ZFP64: variants seen among roughly 807,000 people sequenced by gnomAD.
The protein encoded by ZFP64 is zinc finger protein 64.
In ZFP64, 14 loss-of-function variants were observed where a neutral mutation model predicts 51.6. The ratio of observed to expected loss-of-function variants is 0.27; its 90% CI spans 0.18 to 0.42. The LOEUF (loss-of-function observed/expected upper bound fraction) is 0.42, where lower values mean the gene tolerates loss of function less well. Among genes scored for constraint, ZFP64 ranks in the 10% least tolerant of loss-of-function variants. The probability of loss-of-function intolerance (pLI) is 1.00; values close to 1 mark genes in which losing one functional copy is unlikely to be tolerated. For missense variants in ZFP64, 754 were observed against 906.8 expected (o/e 0.83, Z 2.16); for synonymous variants, 375 against 361.4 (o/e 1.04, Z -0.43).
chr20:52,160,289 G>A lies in ZFP64; in HGVS notation c.597C>T (p.Gly199=), dbSNP rs200805264. 7.6e-5 allele frequency: 123 copies of A among 1,614,064 alleles called. 1 individual carries two copies. The highest frequency in any genetic ancestry group is 1.0e-4 in the Non-Finnish European group (118 of 1,180,050). The change falls in exon 5 of 6, where the codon GGC becomes GGT. Residue 199 remains glycine, a synonymous_variant. Transcript: ENST00000216923. This position sits in a 1 kb window ranked among gnomAD's most constrained non-coding sequence, Gnocchi z 4.2. ...ACGTCTTACACTTGTAGGGCTTCAC[G>A]CCCGTGTGGCACCGCATGTGAGTTT... ...KLKTHMRCHT[G]VKPYKCKTCD...
chr20:52,110,765 C>A, intron 5 of ZFP64: 1 of 1,597,090 alleles, frequency 6.3e-7, no homozygotes, highest in Non-Finnish European at 8.6e-7. Flanking sequence ...AAGTCCCCCT[C>A]CCGGGAGAGG....
chr20:52,169,563 C>G (rs992885019), intron 2 of ZFP64, among the ~76,000 whole-genome samples: 1 of 152,300 alleles, frequency 6.6e-6, no homozygotes, highest in East Asian at 1.9e-4. Flanking sequence ...CCACTTTCTG[C>G]TCTCTCCAGA....
intron 5 of ZFP64, among the ~76,000 whole-genome samples, chr20:52,117,069 T>TCA (rs992706443): frequency 2.0e-5 from 3 of 148,148 alleles, no homozygotes; most frequent in Admixed American, 2.0e-4. Flanking sequence ...AGACTCTGTC[T>TCA]CACACACACA....
intron 4 of ZFP64, among the ~76,000 whole-genome samples, 192 bp downstream of exon 4, chr20:52,164,503 T>A (rs979999644): frequency 1.3e-5 from 2 of 152,164 alleles, no homozygotes; most frequent in African/African-American, 4.8e-5. Context: ...CAGAGCTGGA[T>A]TTTATTATGT....
At chr20:52,111,043 C>T in intron 5 of ZFP64, 4 of 1,391,304 alleles carry the variant, frequency 2.9e-6, no homozygotes, top group East Asian at 4.7e-5. Context: ...CAGGCCGCTG[C>T]TGCCATGCGG....
At chr20:52,158,759 C>T (rs913564417) in intron 5 of ZFP64, among the ~76,000 whole-genome samples, 9 of 152,146 alleles carry the variant, frequency 5.9e-5, no homozygotes, top group South Asian at 2.1e-4. Context: ...CCTGCATCCC[C>T]GACCTTTGCC....
intron 7 of ZFP64, among the ~76,000 whole-genome samples, chr20:52,089,740 C>CAA (rs35524410): frequency 2.9e-3 from 386 of 131,382 alleles, no homozygotes; most frequent in Middle Eastern, 0.012. Flanking sequence ...GACACTGTCT[C>CAA]AAAAAAAAAA....
chr20:52,097,269 C>T (rs1464931723), intron 7 of ZFP64: 9 of 1,338,416 alleles, frequency 6.7e-6, no homozygotes, highest in Non-Finnish European at 9.6e-6. Flanking sequence ...TTTCATGAGG[C>T]AGATGAGGCA....
intron 5 of ZFP64, among the ~76,000 whole-genome samples, chr20:52,122,091 A>G (rs1273637779): frequency 6.6e-6 from 1 of 152,194 alleles, no homozygotes; most frequent in Non-Finnish European, 1.5e-5. Flanking sequence ...GCTCATTGAC[A>G]ATGCACCTAG....
At chr20:52,100,123 G>A (rs1036850368) in intron 5 of ZFP64, among the ~76,000 whole-genome samples, 2 of 152,056 alleles carry the variant, frequency 1.3e-5, no homozygotes, top group African/African-American at 4.8e-5. Flanking sequence ...TCTCCCAACG[G>A]GGACTACAGG....
chr20:52,106,966 C>T (rs1231134494), intron 5 of ZFP64, among the ~76,000 whole-genome samples: 1 of 152,106 alleles, frequency 6.6e-6, no homozygotes, highest in African/African-American at 2.4e-5. Flanking sequence ...GGCATGGTGG[C>T]GGACGCCTGT....
rs200007514 is a variant in ZFP64 at position 52,152,242 on chromosome 20, G to C, written c.1950C>G (p.Ser650=). 1.2e-6 allele frequency: 2 copies of C among 1,614,120 alleles called. No homozygotes were observed. The highest frequency in any genetic ancestry group is 8.5e-7 in the Non-Finnish European group (1 of 1,180,014). ...GCTTGGGTAGTTCTTGCTGGGAAGA[G>C]GAGGAGAAGACCGGTGGCGCTGTGG... The part of the protein sequence containing the change: ...VATTAPPVFS[S]SSQQELPKQT... Residue 650 remains serine, a synonymous_variant, in exon 6 of 6, where the codon TCC becomes TCG. Coordinates refer to ENST00000216923, the MANE Select transcript of ZFP64 (RefSeq NM_018197.3).
intron 5 of ZFP64, among the ~76,000 whole-genome samples, chr20:52,121,283 A>G (rs1363122017): frequency 1.3e-5 from 2 of 152,214 alleles, no homozygotes; most frequent in African/African-American, 4.8e-5. Flanking sequence ...GTCAAAAGCC[A>G]AGGCAGGCTG....
downstream of ZFP64, among the ~76,000 whole-genome samples, chr20:52,147,169 C>CA (rs1342588084): frequency 1.3e-5 from 2 of 152,116 alleles, no homozygotes; most frequent in African/African-American, 4.8e-5. Flanking sequence ...ATTATTCAGT[C>CA]AAATTATGTA....
At chr20:52,140,006 T>C (rs896395721) in intron 5 of ZFP64, among the ~76,000 whole-genome samples, 2 of 152,094 alleles carry the variant, frequency 1.3e-5, no homozygotes, top group Admixed American at 6.5e-5. Flanking sequence ...TTATATCTGT[T>C]ATGGTGATCT....
intron 4 of ZFP64, among the ~76,000 whole-genome samples, chr20:52,163,497 G>A (rs1981997387): frequency 2.6e-5 from 4 of 152,236 alleles, no homozygotes; most frequent in South Asian, 4.2e-4. Flanking sequence ...ACACTAGAAC[G>A]CTTACCAATC....
chr20:52,108,328 G>A (rs1016081984), intron 5 of ZFP64, among the ~76,000 whole-genome samples: 4 of 151,996 alleles, frequency 2.6e-5, no homozygotes, highest in Non-Finnish European at 2.9e-5. Flanking sequence ...ATGGGATCTC[G>A]GTATAGTCTT....
At chr20:52,134,620 T>C (rs1979882176) in intron 5 of ZFP64, among the ~76,000 whole-genome samples, 3 of 152,208 alleles carry the variant, frequency 2.0e-5, no homozygotes, top group South Asian at 4.2e-4. Flanking sequence ...ATTCCCACGA[T>C]AGGAAACACA....
intron 2 of ZFP64, among the ~76,000 whole-genome samples, chr20:52,167,340 AT>A (rs1982358693): frequency 1.3e-5 from 2 of 152,042 alleles, no homozygotes; most frequent in African/African-American, 2.4e-5. Flanking sequence ...AAAATAAAAA[AT>A]AAATAAAAAT....
Sources: allele counts gnomAD v4.1 joint callset (sites outside exome capture counted in the v4.1 genomes callset), GRCh38; gene constraint gnomAD v4.1.1; non-coding constraint Gnocchi (gnomAD v3.1); transcripts MANE v1.5; gene names NCBI Gene and HGNC (gene_info 2026-07-23, HGNC 2026-07-21).